VPS13B: variants seen among roughly 807,000 people sequenced by gnomAD.
The protein encoded by VPS13B is intermembrane lipid transfer protein VPS13B.
A neutral mutation model predicts 426.4 loss-of-function variants in VPS13B; 285 were observed. The observed-to-expected ratio is 0.67, with a 90% CI of 0.61 to 0.74. VPS13B has a LOEUF of 0.74. Among genes scored for constraint, VPS13B ranks in the 30% least tolerant of loss-of-function variants. The probability of loss-of-function intolerance (pLI) is 0.00; values close to 1 mark genes in which losing one functional copy is unlikely to be tolerated. For missense variants in VPS13B, 4,537 were observed against 4,782.6 expected, an observed-to-expected ratio of 0.95 and a Z score of 1.51; for synonymous variants, 1,676 against 1,676.4, an observed-to-expected ratio of 1.00 and a Z score of 0.01.
chr8:99,735,396 A>G (rs1833782130), intron 39 of VPS13B, among the ~76,000 whole-genome samples: 2 of 152,192 alleles, frequency 1.3e-5, no homozygotes, highest in Non-Finnish European at 2.9e-5. Context: ...TCCAACAAGC[A>G]GTATCCCTTA....
At chr8:99,580,213 T>G (rs1223408450) in intron 33 of VPS13B, among the ~76,000 whole-genome samples, 4 of 151,386 alleles carry the variant, frequency 2.6e-5, no homozygotes, top group Non-Finnish European at 5.9e-5. Flanking sequence ...TATAGACCAG[T>G]AAATGTCAAA....
intron 19 of VPS13B, among the ~76,000 whole-genome samples, chr8:99,351,433 A>AGTGTGT (rs1170377671): frequency 2.6e-4 from 38 of 143,982 alleles, no homozygotes; most frequent in African/African-American, 9.0e-4. Flanking sequence ...AGAGAGAGAG[A>AGTGTGT]GAGTGTGTGT....
intron 56 of VPS13B, among the ~76,000 whole-genome samples, chr8:99,858,215 T>C (rs763650334): frequency 1.3e-5 from 2 of 152,210 alleles, no homozygotes; most frequent in African/African-American, 4.8e-5. Flanking sequence ...CTTTTCAGAC[T>C]CCTCCTCTCC....
At chr8:99,507,399 G>C (rs1368700848) in intron 28 of VPS13B, among the ~76,000 whole-genome samples, 196 bp downstream of exon 28, 3 of 152,112 alleles carry the variant, frequency 2.0e-5, no homozygotes, top group African/African-American at 7.2e-5. Context: ...CCATCTTCCT[G>C]TTATAACAAT....
chr8:99,021,552 C>T (rs1349525906), intron 2 of VPS13B, among the ~76,000 whole-genome samples: 1 of 151,562 alleles, frequency 6.6e-6, no homozygotes, highest in Non-Finnish European at 1.5e-5. Context: ...ACCCAGGAGG[C>T]GGAGGTTGCA....
chr8:99,854,409 G>T (rs1484062360), intron 56 of VPS13B, among the ~76,000 whole-genome samples, 153 bp downstream of exon 56: 1 of 152,104 alleles, frequency 6.6e-6, no homozygotes, highest in East Asian at 1.9e-4. Flanking sequence ...TCTAAATCTA[G>T]AGCCTGCCAC....
intron 17 of VPS13B, among the ~76,000 whole-genome samples, chr8:99,249,918 G>C (rs1459366748): frequency 6.6e-6 from 1 of 152,132 alleles, no homozygotes; most frequent in African/African-American, 2.4e-5. Flanking sequence ...CTTGCGGTTG[G>C]GGGTGGTGGG....
chr8:99,283,458 TC>T (rs1428631623), intron 19 of VPS13B, among the ~76,000 whole-genome samples: 4 of 152,198 alleles, frequency 2.6e-5, no homozygotes, highest in Non-Finnish European at 5.9e-5. Flanking sequence ...GATTTCATGC[TC>T]CTAGCATTTT....
At chr8:99,025,650 A>G (rs1282098584) in intron 2 of VPS13B, among the ~76,000 whole-genome samples, 3 of 152,172 alleles carry the variant, frequency 2.0e-5, no homozygotes, top group African/African-American at 2.4e-5. Flanking sequence ...TTCTTTTTCA[A>G]AAGTTTAGTG....
intron 39 of VPS13B, among the ~76,000 whole-genome samples, chr8:99,723,057 A>G (rs1833195080): frequency 6.6e-6 from 1 of 152,230 alleles, no homozygotes; most frequent in South Asian, 2.1e-4. Flanking sequence ...TCTCACGGTT[A>G]TTAGGAGAGC....
At chr8:99,550,244 T>C (rs1824209126) in intron 30 of VPS13B, among the ~76,000 whole-genome samples, 1 of 152,148 alleles carries the variant, frequency 6.6e-6, no homozygotes, top group Non-Finnish European at 1.5e-5. Context: ...ACTACTTTAC[T>C]AGCAGTTTTA....
chr8:99,391,846 G>T lies in VPS13B; in HGVS notation c.3082+142G>T. 1.8e-5 allele frequency: 21 copies of T among 1,172,392 alleles called. No individual in the cohort carries two copies. In the South Asian group the frequency reaches 2.8e-4, roughly 16 times the overall value. The allele number at this position is 1,172,392 out of a possible 1,614,324, so 72.6% of individuals were successfully genotyped here. A position where few individuals can be genotyped will look rare whatever the true frequency, so the allele number is the denominator to read the frequency against. On this transcript the variant is annotated intron_variant, in intron 21 of 61. Transcript: ENST00000357162. ...AAGAACTTTATTATCCACAACATTAGCAATAATCACAGTATTAGCATTTTT... is the reference window on the plus strand; with the variant it reads ...AAGAACTTTATTATCCACAACATTATCAATAATCACAGTATTAGCATTTTT...
intron 29 of VPS13B, among the ~76,000 whole-genome samples, chr8:99,519,682 C>T (rs374491407): frequency 6.6e-6 from 1 of 151,764 alleles, no homozygotes; most frequent in East Asian, 1.9e-4. Context: ...AACCATCATT[C>T]TCAGCAAACT....
At chr8:99,610,790 AGGAAACATT>A (rs1276829451) in intron 33 of VPS13B, among the ~76,000 whole-genome samples, 1 of 152,192 alleles carries the variant, frequency 6.6e-6, no homozygotes, top group Admixed American at 6.5e-5. Flanking sequence ...TATTAAAATG[AGGAAACATT>A]GGAAATTAGT....
chr8:99,191,527 G>A (rs1813592679), intron 16 of VPS13B, among the ~76,000 whole-genome samples: 1 of 151,560 alleles, frequency 6.6e-6, no homozygotes, highest in South Asian at 2.1e-4. Context: ...AGGATTACAG[G>A]CACATGCCAC....
At chr8:99,048,619 A>G (rs956333778) in intron 3 of VPS13B, among the ~76,000 whole-genome samples, 3 of 152,112 alleles carry the variant, frequency 2.0e-5, no homozygotes, top group Non-Finnish European at 4.4e-5. Flanking sequence ...GTTTGAGACC[A>G]GCCTGGCCAA....
intron 30 of VPS13B, among the ~76,000 whole-genome samples, chr8:99,548,270 C>G (rs1268652994): frequency 6.6e-6 from 1 of 151,940 alleles, no homozygotes; most frequent in East Asian, 1.9e-4. Flanking sequence ...GCATTGTAAT[C>G]AGAATGTTTT....
chr8:99,690,747 C>T (rs75793866), intron 35 of VPS13B, among the ~76,000 whole-genome samples: 2,933 of 152,066 alleles, frequency 0.019, 101 homozygotes, highest in African/African-American at 0.067. Flanking sequence ...AGTCAATAAG[C>T]ACATGAAAAA....
Position 99,038,499 on chromosome 8 carries a change from G to A in VPS13B, c.224G>A (p.Gly75Asp), listed in dbSNP as rs1029710556. Residue 75 changes from glycine (G) to aspartate (D), a missense_variant, in exon 3 of 62, where the codon GGT becomes GAT. Physicochemically the swap from Gly to Asp is moderately conservative, Grantham distance 94 (BLOSUM62 -1). This residue lies in a region of VPS13B where 226 missense variants were observed against 308.3 expected (regional missense o/e 0.73). Coordinates refer to ENST00000357162, the MANE Select transcript of VPS13B (RefSeq NM_152564.5). ...ATTCATGTACCATGGACAAAACTGG[G>A]TTCAGAACCAGTGGTAATTACCATC... ...LRIHVPWTKL[G>D]SEPVVITINT... The A allele has an allele frequency of 6.2e-7, 1 of 1,612,358 alleles. No individual in the cohort carries two copies. Among genetic ancestry groups the A allele is most frequent in the Non-Finnish European group, 8.5e-7 (1 of 1,178,970 alleles).
Sources: allele counts gnomAD v4.1 joint callset (sites outside exome capture counted in the v4.1 genomes callset), GRCh38; gene constraint gnomAD v4.1.1; regional missense constraint gnomAD v4.1.1; transcripts MANE v1.5; gene names NCBI Gene and HGNC (gene_info 2026-07-23, HGNC 2026-07-21).